TMEM63A: variants seen among roughly 807,000 people sequenced by gnomAD.
The protein encoded by TMEM63A is mechanosensitive cation channel TMEM63A.
In TMEM63A, 76 loss-of-function variants were observed where a neutral mutation model predicts 100.6. That is an observed-to-expected ratio of 0.76 (90% CI 0.63 to 0.91). The LOEUF (loss-of-function observed/expected upper bound fraction) is 0.91, where lower values mean the gene tolerates loss of function less well. Ranked by LOEUF, TMEM63A falls within the 40% of genes least tolerant of loss-of-function variation. The pLI is 0.00. For missense variants in TMEM63A, 876 were observed against 1,008.8 expected, an observed-to-expected ratio of 0.87 and a Z score of 1.78; for synonymous variants, 401 against 401.1, an observed-to-expected ratio of 1.00 and a Z score of 0.00.
intron 15 of TMEM63A, among the ~76,000 whole-genome samples, chr1:225,857,379 C>CGGGGGGGGGGGG (rs369068747): frequency 1.5e-4 from 17 of 112,758 alleles, no homozygotes; most frequent in African/African-American, 7.4e-4. Flanking sequence ...TCCTGGCCGG[C>CGGGGGGGGGGGG]GGGGCGGGGG....
intron 17 of TMEM63A, 148 bp downstream of exon 17, chr1:225,856,504 A>G (rs1394278325): frequency 8.6e-6 from 6 of 693,856 alleles, no homozygotes; most frequent in Non-Finnish European, 1.5e-5. Context: ...TCAATGACCC[A>G]GCCCTACTGC....
chr1:225,851,292 A>C (rs923149976), intron 20 of TMEM63A, among the ~76,000 whole-genome samples: 2 of 152,206 alleles, frequency 1.3e-5, no homozygotes, highest in African/African-American at 2.4e-5. Context: ...GTCTTACCCC[A>C]GGGGTGGCAC....
chr1:225,844,187 G>C (rs763671357), downstream of TMEM63A, among the ~76,000 whole-genome samples: 1 of 152,140 alleles, frequency 6.6e-6, no homozygotes, highest in African/African-American at 2.4e-5. Context: ...GCCCTGAGCA[G>C]TTTCACGGTG....
Position 225,871,901 on chromosome 1 carries a change from C to G in TMEM63A, c.333+86G>C, listed in dbSNP as rs893899549. On this transcript the variant is annotated intron_variant, in intron 5 of 24. Coordinates refer to ENST00000366835, the MANE Select transcript of TMEM63A (RefSeq NM_014698.3). The stretch of plus-strand genomic sequence containing the variant: ...AGCACTTTCTCCAGCACTTGCCGCT[C>G]AAGATCCGCCCTGCTCCCTCCCCAA... 43 of 1,042,674 alleles carry G rather than the reference C, an allele frequency of 4.1e-5. No homozygotes were observed. The African/African-American group carries it at 5.8e-4, about 14-fold the overall frequency. 64.6% of individuals were successfully genotyped at this position (1,042,674 alleles called of 1,614,324 possible).
Position 225,867,055 on chromosome 1 carries a change from C to A in TMEM63A, c.566+57G>T. ...CCTCTGGCCTGCCCCGGGCTCCTGA[C>A]CTGCCTTCTCCTTGATCTCACCCAT... is the stretch of plus-strand genomic sequence containing the variant. On this transcript the variant is annotated intron_variant, in intron 8 of 24. Transcript: ENST00000366835. This position sits in a 1 kb window ranked among gnomAD's most constrained non-coding sequence, Gnocchi z 4.6. 1 of 1,599,978 alleles carries A rather than the reference C, an allele frequency of 6.3e-7. No homozygotes were observed. Among genetic ancestry groups the A allele is most frequent in the Non-Finnish European group, 8.6e-7 (1 of 1,167,218 alleles).
At chr1:225,850,254 C>A (rs67767675) in intron 20 of TMEM63A, among the ~76,000 whole-genome samples, 175 bp from the exon 21 acceptor site, 8,000 of 152,196 alleles carry the variant, frequency 0.053, 234 homozygotes, top group Non-Finnish European at 0.067. Context: ...TTTTCACTTT[C>A]TCTCTCCTAC....
chr1:225,880,917 G>A (rs973013264), intron 1 of TMEM63A, among the ~76,000 whole-genome samples: 1 of 152,196 alleles, frequency 6.6e-6, no homozygotes, highest in Middle Eastern at 3.2e-3. Flanking sequence ...GATATTGTTC[G>A]TTCTTGCAAG....
At chr1:225,857,378 GCGGGGC>G (rs1462148954) in intron 15 of TMEM63A, among the ~76,000 whole-genome samples, 4 of 20,894 alleles carry the variant, frequency 1.9e-4, no homozygotes, top group African/African-American at 5.4e-4. Context: ...GTCCTGGCCG[GCGGGGC>G]GGGGGGGGGG....
chr1:225,862,439 G>A lies in TMEM63A; in HGVS notation c.951+16C>T, dbSNP rs199510389. The A allele has an allele frequency of 5.3e-5, 86 of 1,613,842 alleles. No homozygotes were observed. The African/African-American group carries it at 9.7e-4, about 18-fold the overall frequency. Reference sequence around the variant, plus strand: ...TGCCAATGCCTCTGCTCCCAGCCGGGGGGTGGGACCCTTACCCACTCACAG... The same window carrying A: ...TGCCAATGCCTCTGCTCCCAGCCGGAGGGTGGGACCCTTACCCACTCACAG... On this transcript the variant is annotated intron_variant, in intron 12 of 24. Coordinates refer to ENST00000366835, the MANE Select transcript of TMEM63A (RefSeq NM_014698.3). The surrounding 1 kb of genome is among the most constrained non-coding windows in gnomAD (Gnocchi z 5.1).
At chr1:225,874,253 C>T (rs371900201) in intron 4 of TMEM63A, 35 bp downstream of exon 4, 26 of 1,597,612 alleles carry the variant, frequency 1.6e-5, no homozygotes, top group Middle Eastern at 3.3e-4. Flanking sequence ...CACGTACGCA[C>T]ACGCATGCTC....
Position 225,847,201 on chromosome 1 carries a change from G to A in TMEM63A, c.2263C>T (p.Arg755Trp), listed in dbSNP as rs760976579. The A allele has an allele frequency of 1.6e-5, 26 of 1,613,306 alleles. No homozygotes were observed. In the East Asian group the frequency reaches 2.0e-4, roughly 12 times the overall value. Residue 755 changes from arginine to tryptophan, a missense_variant, in exon 24 of 25, where the codon CGG (arginine) becomes TGG (tryptophan). By Grantham distance (101) the Arg-to-Trp change is moderately radical. Coordinates refer to ENST00000366835, the MANE Select transcript of TMEM63A (RefSeq NM_014698.3). ...MPPPFTPYVP[R>W]ILNGLASERT... ...TCCGAGGCCAAGCCGTTCAGAATCC[G>A]AGGCACGTAGGGCTGTCAGCAAATG...
rs1045309012 is a variant in TMEM63A at position 225,862,135 on chromosome 1, A to G, written c.1085+83T>C. ...CCAGGGATGGTGGGTCAGCAGTACC[A>G]TCTCCACTCGAGAGGGACAGTGAGT... On this transcript the variant is annotated intron_variant, in intron 13 of 24. Coordinates refer to ENST00000366835, the MANE Select transcript of TMEM63A (RefSeq NM_014698.3). The surrounding 1 kb of genome is among the most constrained non-coding windows in gnomAD (Gnocchi z 5.1). 23 of 1,566,962 alleles carry G rather than the reference A, an allele frequency of 1.5e-5. No homozygotes were observed. Among genetic ancestry groups the G allele is most frequent in the Non-Finnish European group, 1.9e-5 (22 of 1,151,178 alleles).
chr1:225,854,637 AC>A (rs1393850567), intron 18 of TMEM63A, among the ~76,000 whole-genome samples: 6 of 152,168 alleles, frequency 3.9e-5, no homozygotes, highest in Admixed American at 2.6e-4. Flanking sequence ...CATCCGTGGT[AC>A]CCAGTAAAAC....
At chr1:225,875,385 A>AC (rs1670730036) in intron 3 of TMEM63A, among the ~76,000 whole-genome samples, 1 of 152,116 alleles carries the variant, frequency 6.6e-6, no homozygotes, top group Non-Finnish European at 1.5e-5. Flanking sequence ...CCCTCCCTAG[A>AC]CAGGGTCCCT....
chr1:225,872,512 T>C (rs1240256400), intron 4 of TMEM63A, among the ~76,000 whole-genome samples: 6 of 152,142 alleles, frequency 3.9e-5, no homozygotes, highest in African/African-American at 9.7e-5. Context: ...AATAACAAGA[T>C]GCCTTCCAAT....
downstream of TMEM63A, chr1:225,844,659 G>A (rs1165336594): frequency 1.9e-6 from 3 of 1,612,644 alleles, no homozygotes; most frequent in East Asian, 4.5e-5. Flanking sequence ...GGGCCTCTGA[G>A]GCTGGAGGCA....
chr1:225,848,970 A>C lies in TMEM63A; in HGVS notation c.2114T>G (p.Leu705Arg). 6.4e-7 allele frequency: 1 copy of C among 1,568,416 alleles called. No homozygotes were observed. The highest frequency in any genetic ancestry group is 8.7e-7 in the Non-Finnish European group (1 of 1,154,430). ...AGCCAGGCAGACCAGGATGGTGAGC[A>C]GCAGCACCAGGAAGGTGAACAGAGT... ...PATLFTFLVL[L>R]LTILVCLAHT... The change falls in exon 22 of 25, where the codon CTG becomes CGG. Residue 705 changes from leucine (L) to arginine (R), a missense_variant. By Grantham distance (102) the Leu-to-Arg change is moderately radical. Around this residue, in one of 5 missense-constraint regions of TMEM63A, gnomAD observed 339 missense variants for 342.3 expected, o/e 0.99. Transcript: ENST00000366835.
chr1:225,869,652 A>ATTTCT lies in TMEM63A; in HGVS notation c.371+1419_371+1423dup, dbSNP rs1553492501. The stretch of plus-strand genomic sequence containing the variant: ...ATCAATTCTAAGATATCATTTTCAT[A>ATTTCT]TTTCTTTTCTTTTCTTTTTTTTTTT... On this transcript the variant is annotated intron_variant, in intron 6 of 24. Coordinates refer to ENST00000366835, the MANE Select transcript of TMEM63A (RefSeq NM_014698.3). 5.4e-3 allele frequency among the ~76,000 whole-genome samples: 664 copies of ATTTCT among 122,046 alleles called. 226 individuals are homozygous for ATTTCT. The highest frequency in any genetic ancestry group is 0.047 in the Middle Eastern group (10 of 214). The allele number at this position is 122,046 out of a possible 152,430, so 80.1% of individuals were successfully genotyped here.
At chr1:225,868,568 C>A (rs745717692) in intron 6 of TMEM63A, among the ~76,000 whole-genome samples, 10 of 151,864 alleles carry the variant, frequency 6.6e-5, no homozygotes, top group Non-Finnish European at 1.3e-4. Flanking sequence ...TGCCTATAAT[C>A]CCAGCAACTC....
Sources: gnomAD v4.1 joint callset for allele counts (sites outside exome capture counted in the v4.1 genomes callset) on GRCh38, gnomAD v4.1.1 for gene constraint, gnomAD v4.1.1 regional missense constraint, Gnocchi (gnomAD v3.1) non-coding constraint, MANE v1.5 for transcripts, NCBI Gene and HGNC (gene_info 2026-07-23, HGNC 2026-07-21) for gene names.